The following ANO6 variants were observed in gnomAD, a reference collection of about 807,000 sequenced individuals.
ANO6 encodes the protein anoctamin-6.
ANO6 carries 106 observed loss-of-function variants against 117.5 expected under a neutral mutation model. That is an observed-to-expected ratio of 0.90 (90% CI 0.77 to 1.06). The LOEUF (loss-of-function observed/expected upper bound fraction) is 1.06, where lower values mean the gene tolerates loss of function less well. Ranked by LOEUF, ANO6 falls within the 50% of genes least tolerant of loss-of-function variation. The probability of loss-of-function intolerance (pLI) is 0.00; values close to 1 mark genes in which losing one functional copy is unlikely to be tolerated. For missense variants in ANO6, 955 were observed against 1,121.1 expected (o/e 0.85, Z 2.12); for synonymous variants, 367 against 385.1 (o/e 0.95, Z 0.55).
rs1461735636 is a variant in ANO6 at position 45,216,261 on chromosome 12, G to C, written c.-61G>C. ...ATCCGGCCCCTGGGAGAGCCGCGCC[G>C]TTCTGGAACCCGGGAGCCCCCAACT... On this transcript the variant is annotated 5_prime_UTR_variant, in exon 1 of 20. Transcript: ENST00000320560. 3.2e-6 allele frequency: 5 copies of C among 1,555,124 alleles called. No homozygotes were observed. The highest frequency in any genetic ancestry group is 2.4e-5 in the East Asian group (1 of 41,422).
At chr12:45,347,263 C>A in intron 4 of ANO6, 176 bp downstream of exon 4, 2 of 598,066 alleles carry the variant, frequency 3.3e-6, no homozygotes, top group Non-Finnish European at 5.9e-6. Context: ...TTTTTCTGAT[C>A]AAAACTAGCA....
chr12:45,392,969 C>A (rs558272159), intron 12 of ANO6, among the ~76,000 whole-genome samples: 2 of 152,184 alleles, frequency 1.3e-5, no homozygotes, highest in Non-Finnish European at 2.9e-5. Flanking sequence ...TCGCCAGCAA[C>A]GGAACAAAGC....
chr12:45,257,107 T>C (rs1184555144), intron 1 of ANO6, among the ~76,000 whole-genome samples: 1 of 152,210 alleles, frequency 6.6e-6, no homozygotes, highest in Non-Finnish European at 1.5e-5. Context: ...GATTGGGTTA[T>C]TATAACTTCT....
intron 8 of ANO6, among the ~76,000 whole-genome samples, chr12:45,361,955 T>C (rs80326896): frequency 0.08 from 12,229 of 152,104 alleles, 789 homozygotes; most frequent in African/African-American, 0.17. Flanking sequence ...GTCTCTAGTT[T>C]TCTTATGTTG....
At chr12:45,249,973 T>C (rs1191268084) in intron 1 of ANO6, among the ~76,000 whole-genome samples, 1 of 152,240 alleles carries the variant, frequency 6.6e-6, no homozygotes, top group African/African-American at 2.4e-5. Flanking sequence ...TTCAGGTTCA[T>C]ATGGAGCCTA....
At chr12:45,283,401 G>A (rs1234090942) in intron 1 of ANO6, among the ~76,000 whole-genome samples, 1 of 152,156 alleles carries the variant, frequency 6.6e-6, no homozygotes, top group African/African-American at 2.4e-5. Context: ...GATCAGAAGG[G>A]ATATGCCACC....
rs146163203 is a variant in ANO6 at position 45,221,849 on chromosome 12, G to A, written c.70+5458G>A. On this transcript the variant is annotated intron_variant, in intron 1 of 19. Coordinates refer to ENST00000320560, the MANE Select transcript of ANO6 (RefSeq NM_001025356.3). ...CTTTTAATTTTCCCCTCTGACCATTGGCTCAGACCATTCTCCCTCCCCGAC... is the reference window on the plus strand; with the variant it reads ...CTTTTAATTTTCCCCTCTGACCATTAGCTCAGACCATTCTCCCTCCCCGAC... Among the ~76,000 whole-genome samples, 431 of 150,096 alleles carry A rather than the reference G, an allele frequency of 2.9e-3. 6 individuals carry two copies. Among genetic ancestry groups the A allele is most frequent in the Middle Eastern group, 0.014 (4 of 288 alleles).
intron 12 of ANO6, among the ~76,000 whole-genome samples, chr12:45,400,767 C>T (rs1942763953): frequency 6.6e-6 from 1 of 152,214 alleles, no homozygotes; most frequent in African/African-American, 2.4e-5. Context: ...CAGGTGACAA[C>T]TGGCCTCTGT....
chr12:45,334,952 G>A (rs1940783086), intron 3 of ANO6, among the ~76,000 whole-genome samples: 1 of 151,932 alleles, frequency 6.6e-6, no homozygotes, highest in African/African-American at 2.4e-5. Context: ...CCTTCAAACC[G>A]ATGTGTTAGT....
intron 1 of ANO6, among the ~76,000 whole-genome samples, chr12:45,223,008 G>A (rs1947428698): frequency 6.6e-6 from 1 of 152,258 alleles, no homozygotes. Context: ...TAGCTGAACA[G>A]TGGAGGTACC....
intron 11 of ANO6, among the ~76,000 whole-genome samples, chr12:45,388,851 G>A (rs999787789): frequency 6.6e-6 from 1 of 152,114 alleles, no homozygotes; most frequent in South Asian, 2.1e-4. Context: ...CTCTGTTCAG[G>A]TACTGTGCTA....
At chr12:45,220,045 C>G (rs2408185) in intron 1 of ANO6, among the ~76,000 whole-genome samples, 17,899 of 152,172 alleles carry the variant, frequency 0.12, 1,513 homozygotes, top group East Asian at 0.3. Flanking sequence ...AGCATCTCTT[C>G]TTGTTCATGT....
At chr12:45,301,754 A>C (rs1356149596) in intron 1 of ANO6, among the ~76,000 whole-genome samples, 1 of 152,238 alleles carries the variant, frequency 6.6e-6, no homozygotes, top group Non-Finnish European at 1.5e-5. Context: ...GTACCAGTTA[A>C]ATGATTTTCA....
chr12:45,301,339 C>T (rs964189050), intron 1 of ANO6, among the ~76,000 whole-genome samples: 1 of 151,856 alleles, frequency 6.6e-6, no homozygotes, highest in Non-Finnish European at 1.5e-5. Flanking sequence ...TTCCTGTAAT[C>T]TCAGCACGTT....
Position 45,236,884 on chromosome 12 carries a change from G to A in ANO6, c.70+20493G>A, listed in dbSNP as rs147976654. 4.7e-3 allele frequency among the ~76,000 whole-genome samples: 713 copies of A among 152,246 alleles called. 3 individuals are homozygous for A. The highest frequency in any genetic ancestry group is 0.016 in the African/African-American group (669 of 41,542). The stretch of plus-strand genomic sequence containing the variant: ...TTCCTATTTCTCCATATCCTCTCCA[G>A]CATCTGTTGTTCCCTGACTTTTTAA... On this transcript the variant is annotated intron_variant, in intron 1 of 19. Coordinates refer to ENST00000320560, the MANE Select transcript of ANO6 (RefSeq NM_001025356.3).
At chr12:45,419,087 T>C (rs368153437) in intron 17 of ANO6, among the ~76,000 whole-genome samples, 1 of 152,226 alleles carries the variant, frequency 6.6e-6, no homozygotes, top group South Asian at 2.1e-4. Context: ...ATCATTCATT[T>C]TAAAGCTGCT....
chr12:45,432,371 G>T, downstream of ANO6: 1 of 764,016 alleles, frequency 1.3e-6, no homozygotes, highest in Non-Finnish European at 1.6e-6. Context: ...ATTCTATATT[G>T]TCTTAACGTT....
At chr12:45,294,119 TAAG>T (rs1437589958) in intron 1 of ANO6, among the ~76,000 whole-genome samples, 3 of 151,746 alleles carry the variant, frequency 2.0e-5, no homozygotes, top group East Asian at 1.9e-4. Flanking sequence ...AGGTTGAAAA[TAAG>T]AAGGATATAA....
At chr12:45,303,923 G>A (rs1033700437) in intron 2 of ANO6, among the ~76,000 whole-genome samples, 3 of 152,148 alleles carry the variant, frequency 2.0e-5, no homozygotes, top group African/African-American at 7.2e-5. Flanking sequence ...CTGCATTGAT[G>A]GCATTGAAAA....
Sources: allele counts gnomAD v4.1 joint callset (sites outside exome capture counted in the v4.1 genomes callset), GRCh38; gene constraint gnomAD v4.1.1; transcripts MANE v1.5; gene names NCBI Gene and HGNC (gene_info 2026-07-23, HGNC 2026-07-21).